AKAP13: variants seen among roughly 807,000 people sequenced by gnomAD.
AKAP13 encodes the protein A-kinase anchor protein 13.
Under a neutral mutation model 264.5 loss-of-function variants are expected in AKAP13, and 80 were observed. The ratio of observed to expected loss-of-function variants is 0.30; its 90% CI spans 0.25 to 0.36. The LOEUF (loss-of-function observed/expected upper bound fraction) is 0.36. AKAP13 is among the 10% of genes least tolerant of loss of function. The probability of loss-of-function intolerance (pLI) is 1.00; values close to 1 mark genes in which losing one functional copy is unlikely to be tolerated. For missense variants in AKAP13, 3,712 were observed against 3,435.2 expected (o/e 1.08, Z -2.01); for synonymous variants, 1,380 against 1,250.2 (o/e 1.10, Z -2.19).
rs1379412850 is a variant in AKAP13 at position 85,746,944 on chromosome 15, G to T, written c.*2267G>T. 1 of 152,198 alleles carries T rather than the reference G, an allele frequency of 6.6e-6. No homozygotes were observed. The highest frequency in any genetic ancestry group is 1.5e-5 in the Non-Finnish European group (1 of 68,030). 9.4% of individuals were successfully genotyped at this position (152,198 alleles called of 1,614,324 possible). On this transcript the variant is annotated 3_prime_UTR_variant, in exon 37 of 37. Transcript: ENST00000394518. ...AAAAACACCGTGGATGCTGAAGTTAGAGCACGTCGCCACAGAGCTTGACAT... is the reference window on the plus strand; with the variant it reads ...AAAAACACCGTGGATGCTGAAGTTATAGCACGTCGCCACAGAGCTTGACAT...
rs539048573 is a variant in AKAP13, at chr15:85,387,365, C to T, written c.-12+6567C>T. On this transcript the variant is annotated intron_variant, in intron 1 of 36. Transcript: ENST00000394518. ...AAACAAAAAAAGATAGGGTCTCACT[C>T]AGTTGTCCAGTGTGGAATGCAGTGG... Among the ~76,000 whole-genome samples the T allele has an allele frequency of 5.3e-5, 8 of 152,180 alleles. No individual in the cohort carries two copies. The Middle Eastern group carries it at 0.017, about 324-fold the overall frequency.
intron 1 of AKAP13, among the ~76,000 whole-genome samples, chr15:85,443,133 C>T (rs372480947): frequency 1.8e-4 from 28 of 151,904 alleles, no homozygotes; most frequent in African/African-American, 6.8e-4. Flanking sequence ...GTTCTCCCCC[C>T]ACCCCCCAAC....
At chr15:85,666,962 T>C (rs961269871) in intron 13 of AKAP13, among the ~76,000 whole-genome samples, 1 of 152,206 alleles carries the variant, frequency 6.6e-6, no homozygotes, top group Non-Finnish European at 1.5e-5. Context: ...TCTCTTCCTC[T>C]TGGGTCAGAA....
intron 16 of AKAP13, 178 bp downstream of exon 16, chr15:85,685,051 A>G: frequency 2.7e-6 from 2 of 727,432 alleles, no homozygotes; most frequent in Non-Finnish European, 4.3e-6. Context: ...AAGAAGTGGA[A>G]CTACCAGTTA....
In AKAP13 at chr15:85,719,233, C is replaced by A. The variant is rs753452557; in HGVS notation, c.6159C>A (p.Phe2053Leu). ...DELISIHSQFFQRILERKKES... is the reference protein window; with the variant it reads ...DELISIHSQFLQRILERKKES... ...TGATCAGTATCCATAGCCAATTCTTCCAGAGGATTCTGGAGCGGAAGAAGG... is the reference window on the plus strand; with the variant it reads ...TGATCAGTATCCATAGCCAATTCTTACAGAGGATTCTGGAGCGGAAGAAGG... The change falls in exon 23 of 37, where the codon TTC becomes TTA. Residue 2053 changes from phenylalanine to leucine, a missense_variant. Phe to Leu is a conservative substitution (Grantham distance 22). Around this residue, in one of 3 missense-constraint regions of AKAP13, gnomAD observed 342 missense variants for 484.3 expected, o/e 0.71. Coordinates refer to ENST00000394518, the MANE Select transcript of AKAP13 (RefSeq NM_007200.5). The A allele has an allele frequency of 1.2e-6, 2 of 1,614,128 alleles. No homozygotes were observed. Among genetic ancestry groups the A allele is most frequent in the Non-Finnish European group, 1.7e-6 (2 of 1,180,026 alleles).
chr15:85,442,531 TA>T lies in AKAP13; in HGVS notation c.-11-43177del, dbSNP rs1266398977. 1.4e-4 allele frequency among the ~76,000 whole-genome samples: 18 copies of T among 129,224 alleles called. No homozygotes were observed. The South Asian group carries it at 2.3e-3, about 16-fold the overall frequency. 84.8% of individuals were successfully genotyped at this position (129,224 alleles called of 152,430 possible). On this transcript the variant is annotated intron_variant, in intron 1 of 36. Coordinates refer to ENST00000394518, the MANE Select transcript of AKAP13 (RefSeq NM_007200.5). ...TATATAATATATATTATATTATATA[TA>T]ATATATATTATATATATATTTATTT...
chr15:85,650,254 A>T (rs1348509222), intron 10 of AKAP13, among the ~76,000 whole-genome samples: 5 of 152,084 alleles, frequency 3.3e-5, no homozygotes, highest in Non-Finnish European at 7.4e-5. Flanking sequence ...ACATAGTGAG[A>T]ACCTGTCTCC....
chr15:85,741,697 T>TAA (rs56782497), intron 35 of AKAP13, among the ~76,000 whole-genome samples: 45 of 106,320 alleles, frequency 4.2e-4, no homozygotes, highest in African/African-American at 1.2e-3. Context: ...CTGTCTCTCC[T>TAA]AAAAAAAAAA....
chr15:85,743,982 A>G lies in AKAP13; in HGVS notation c.8392+157A>G, dbSNP rs1478601376. The G allele has an allele frequency of 3.6e-6, 3 of 830,624 alleles. No homozygotes were observed. The Admixed American group carries it at 8.8e-5, about 24-fold the overall frequency. The allele number at this position is 830,624 out of a possible 1,614,324, so 51.5% of individuals were successfully genotyped here. On this transcript the variant is annotated intron_variant, in intron 36 of 36. Transcript: ENST00000394518. ...TTCACCAGCTCCGCTTGCTAAGAGC[A>G]CTCATGCAGCGAACATTAAGAACCC...
chr15:85,519,356 A>C (rs1203737529), intron 2 of AKAP13, among the ~76,000 whole-genome samples: 1 of 152,174 alleles, frequency 6.6e-6, no homozygotes, highest in Non-Finnish European at 1.5e-5. Context: ...AAAATGTAAA[A>C]CAGGGGATGG....
intron 2 of AKAP13, among the ~76,000 whole-genome samples, chr15:85,495,021 C>G (rs997234491): frequency 9.2e-5 from 14 of 152,054 alleles, no homozygotes; most frequent in Non-Finnish European, 1.6e-4. Flanking sequence ...ATTTGAAATT[C>G]CTCTATAGTG....
intron 5 of AKAP13, among the ~76,000 whole-genome samples, chr15:85,570,095 A>AAAC (rs1489007066): frequency 4.7e-5 from 7 of 149,136 alleles, no homozygotes; most frequent in African/African-American, 1.5e-4. Flanking sequence ...AAAAAAAAAA[A>AAAC]CCACTGGATT....
chr15:85,437,328 A>G (rs2073357899), intron 1 of AKAP13, among the ~76,000 whole-genome samples: 1 of 152,236 alleles, frequency 6.6e-6, no homozygotes, highest in Non-Finnish European at 1.5e-5. Context: ...GCAATAATCA[A>G]TAGTTTACCA....
chr15:85,736,167 GTGTT>G, intron 33 of AKAP13, 33 bp downstream of exon 33: 2 of 1,504,072 alleles, frequency 1.3e-6, no homozygotes. Flanking sequence ...AAGAAAATAT[GTGTT>G]TGTTGTCATT....
intron 3 of AKAP13, among the ~76,000 whole-genome samples, chr15:85,523,185 A>G (rs1056525611): frequency 2.6e-5 from 4 of 152,080 alleles, no homozygotes; most frequent in Non-Finnish European, 5.9e-5. Context: ...AACTAAGCAA[A>G]GGAGATTCCT....
chr15:85,669,455 C>G (rs909283573), intron 13 of AKAP13, among the ~76,000 whole-genome samples: 1 of 152,174 alleles, frequency 6.6e-6, no homozygotes, highest in African/African-American at 2.4e-5. Flanking sequence ...TACAGAACCA[C>G]TGTAAAGAAT....
intron 8 of AKAP13, chr15:85,620,065 C>G (rs1477607175): frequency 6.5e-6 from 10 of 1,535,888 alleles, no homozygotes; most frequent in Admixed American, 2.0e-5. Context: ...CCTGCATTTT[C>G]TCTGTTCTTT....
chr15:85,591,604 C>T (rs2079581791), intron 8 of AKAP13, among the ~76,000 whole-genome samples: 1 of 151,828 alleles, frequency 6.6e-6, no homozygotes, highest in Non-Finnish European at 1.5e-5. Context: ...ATGCTGGAGG[C>T]AAGCAGGAGA....
chr15:85,585,642 A>G (rs2079309041), intron 7 of AKAP13, 60 bp from the exon 8 acceptor site: 1 of 1,607,114 alleles, frequency 6.2e-7, no homozygotes, highest in Non-Finnish European at 8.5e-7. Flanking sequence ...TGTTGTATGA[A>G]TAGTAAGGCA....
Sources: allele counts gnomAD v4.1 joint callset (sites outside exome capture counted in the v4.1 genomes callset), GRCh38; gene constraint gnomAD v4.1.1; regional missense constraint gnomAD v4.1.1; transcripts MANE v1.5; gene names NCBI Gene and HGNC (gene_info 2026-07-23, HGNC 2026-07-21).